SETDB2: variants seen among roughly 807,000 people sequenced by gnomAD.
The protein encoded by SETDB2 is histone-lysine N-methyltransferase SETDB2.
SETDB2 carries 56 observed loss-of-function variants against 82.5 expected under a neutral mutation model. The observed-to-expected ratio is 0.68, with a 90% CI of 0.55 to 0.85. The LOEUF is 0.85. Ranked by LOEUF, SETDB2 falls within the 40% of genes least tolerant of loss-of-function variation. The probability of loss-of-function intolerance (pLI) is 0.00; values close to 1 mark genes in which losing one functional copy is unlikely to be tolerated. For synonymous variants in SETDB2, 272 were observed against 284.9 expected (o/e 0.95, Z 0.46); for missense variants, 677 against 816.4 (o/e 0.83, Z 2.08).
intron 1 of SETDB2, among the ~76,000 whole-genome samples, chr13:49,446,159 AAATG>A (rs1395344908): frequency 1.3e-5 from 2 of 152,158 alleles, no homozygotes; most frequent in African/African-American, 4.8e-5. Flanking sequence ...AAAAGCTTTA[AAATG>A]AATTCCTTTT....
In SETDB2 at chr13:49,491,798, G is replaced by A. The variant is rs535422169; in HGVS notation, c.2073G>A (p.Lys691=). The A allele has an allele frequency of 8.7e-6, 14 of 1,613,222 alleles. No individual in the cohort carries two copies. In the African/African-American group the frequency reaches 1.2e-4, roughly 14 times the overall value. ...YGYEAGTVPE[K]EIFCQCGVNK... Reference sequence around the variant, plus strand: ...ATGAAGCTGGGACTGTGCCTGAGAAGGAAATCTTCTGCCAATGTGGGGTTA... The same window carrying A: ...ATGAAGCTGGGACTGTGCCTGAGAAAGAAATCTTCTGCCAATGTGGGGTTA... Residue 691 remains lysine, a synonymous_variant, in exon 14 of 14, where the codon AAG becomes AAA. Transcript: ENST00000611815.
chr13:49,459,291 G>A (rs1957947701), intron 2 of SETDB2, among the ~76,000 whole-genome samples: 1 of 152,096 alleles, frequency 6.6e-6, no homozygotes, highest in Non-Finnish European at 1.5e-5. Flanking sequence ...TTGTGTTAGG[G>A]AAAATGTATT....
Position 49,476,811 on chromosome 13 carries a change from C to T in SETDB2, c.641C>T (p.Thr214Ile). The T allele has an allele frequency of 1.2e-6, 2 of 1,613,912 alleles. No individual in the cohort carries two copies. The highest frequency in any genetic ancestry group is 1.7e-6 in the Non-Finnish European group (2 of 1,179,908). Residue 214 changes from threonine (T) to isoleucine (I), a missense_variant, in exon 6 of 14, where the codon ACC (threonine) becomes ATC (isoleucine). Thr to Ile is a moderately conservative substitution (Grantham distance 89, BLOSUM62 -1). This residue lies in a region of SETDB2 where 243 missense variants were observed against 237.2 expected (regional missense o/e 1.02). Coordinates refer to ENST00000611815, the MANE Select transcript of SETDB2 (RefSeq NM_001160308.3). ...FLFTDNFSFN[T>I]YVQLARNYPK... is the part of the protein sequence containing the mutation. ...TTTACAGATAACTTTTCTTTCAATA[C>T]CTATGTTCAGTTGGCTCGGAATTAC...
intron 5 of SETDB2, among the ~76,000 whole-genome samples, chr13:49,470,105 T>C (rs1473503088): frequency 6.6e-6 from 1 of 152,230 alleles, no homozygotes; most frequent in African/African-American, 2.4e-5. Flanking sequence ...TTTGTATGTA[T>C]ACTTTTAAAA....
chr13:49,472,052 T>G (rs1958260850), intron 5 of SETDB2, among the ~76,000 whole-genome samples: 1 of 151,332 alleles, frequency 6.6e-6, no homozygotes, highest in Non-Finnish European at 1.5e-5. Flanking sequence ...ATTACAGGCA[T>G]GAGCCACCGC....
chr13:49,449,871 T>C (rs1347832531), intron 1 of SETDB2, among the ~76,000 whole-genome samples: 1 of 152,228 alleles, frequency 6.6e-6, no homozygotes, highest in African/African-American at 2.4e-5. Context: ...TGCTTTCTTA[T>C]AGGTTCATTT....
At chr13:49,485,421 T>C (rs767320929) in intron 10 of SETDB2, among the ~76,000 whole-genome samples, 4 of 152,222 alleles carry the variant, frequency 2.6e-5, no homozygotes, top group Non-Finnish European at 4.4e-5. Context: ...TGTGGCTTAA[T>C]AAAGCACCTA....
Position 49,477,100 on chromosome 13 carries a change from A to G in SETDB2, c.869+61A>G, listed in dbSNP as rs980149321. The stretch of plus-strand genomic sequence containing the variant: ...CTGAATGTAAGGACGCTTGTTAAGA[A>G]GTCTTGCTATGTATTAATTTGTCTA... On this transcript the variant is annotated intron_variant, in intron 6 of 13. Coordinates refer to ENST00000611815, the MANE Select transcript of SETDB2 (RefSeq NM_001160308.3). 5 of 1,406,854 alleles carry G rather than the reference A, an allele frequency of 3.6e-6. No homozygotes were observed. In the African/African-American group the frequency reaches 7.2e-5, roughly 20 times the overall value. 87.1% of individuals were successfully genotyped at this position (1,406,854 alleles called of 1,614,324 possible).
chr13:49,491,393 G>A (rs947152387), intron 13 of SETDB2, among the ~76,000 whole-genome samples: 2 of 152,124 alleles, frequency 1.3e-5, no homozygotes, highest in African/African-American at 2.4e-5. Context: ...AGTTCCACTC[G>A]GGATAAATGA....
At chr13:49,445,879 C>G (rs1450848372) in intron 1 of SETDB2, 1 of 145,984 alleles carries the variant, frequency 6.9e-6, no homozygotes, top group African/African-American at 2.6e-5. Flanking sequence ...TGCAGTGAGC[C>G]GAGATCACGC....
At position 49,476,645 on chromosome 13, in the gene SETDB2, T is replaced by A. The variant is rs1958369819; in HGVS notation, c.475T>A (p.Cys159Ser). ...GENPLQLPIKCHFQRRHAKTN... is the reference protein window; with the variant it reads ...GENPLQLPIKSHFQRRHAKTN... ...AAACCCTCTGCAGCTGCCAATCAAA[T>A]GTCACTTCCAAAGACGACATGCAAA... Residue 159 changes from cysteine (C) to serine (S), a missense_variant, in exon 6 of 14, where the codon TGT becomes AGT. This residue lies in a region of SETDB2 where 243 missense variants were observed against 237.2 expected (regional missense o/e 1.02). Transcript: ENST00000611815. 3 of 1,614,166 alleles carry A rather than the reference T, an allele frequency of 1.9e-6. No homozygotes were observed. The East Asian group carries it at 6.7e-5, about 36-fold the overall frequency.
In SETDB2 at chr13:49,460,192, A is replaced by G. The variant is rs755113120; in HGVS notation, c.102A>G (p.Ser34=). Residue 34 remains serine, a synonymous_variant, in exon 3 of 14, where the codon TCA becomes TCG. Transcript: ENST00000611815. ...AACAAGTACAAAATGTGCTGCAGTC[A>G]CTGAAACAAAAGATCAAAGATGGGT... The part of the protein sequence containing the change: ...IFEQVQNVLQ[S]LKQKIKDGSA... The G allele has an allele frequency of 4.3e-6, 7 of 1,613,270 alleles. No individual in the cohort carries two copies. Among genetic ancestry groups the G allele is most frequent in the Admixed American group, 3.3e-5 (2 of 59,966 alleles).
intron 5 of SETDB2, among the ~76,000 whole-genome samples, chr13:49,469,336 C>T (rs1958181492): frequency 6.6e-6 from 1 of 152,228 alleles, no homozygotes; most frequent in African/African-American, 2.4e-5. Flanking sequence ...GTCCCGCCTA[C>T]ACTTCTCACT....
At chr13:49,466,159 C>T (rs761248503) in intron 4 of SETDB2, among the ~76,000 whole-genome samples, 18 of 151,954 alleles carry the variant, frequency 1.2e-4, no homozygotes, top group Non-Finnish European at 2.4e-4. Context: ...CTTGACTGGG[C>T]GTGGTGTCTC....
intron 2 of SETDB2, among the ~76,000 whole-genome samples, chr13:49,458,824 G>A (rs966210679): frequency 1.3e-5 from 2 of 152,202 alleles, no homozygotes; most frequent in Non-Finnish European, 2.9e-5. Context: ...AAAAAGTGGA[G>A]ATCATTCATG....
intron 6 of SETDB2, among the ~76,000 whole-genome samples, chr13:49,478,057 C>CA (rs1363457718): frequency 3.3e-5 from 5 of 151,498 alleles, no homozygotes; most frequent in Non-Finnish European, 4.4e-5. Context: ...CCATACTTGG[C>CA]AAAAAAAGAA....
intron 1 of SETDB2, chr13:49,446,558 T>C (rs769780935): frequency 1.0e-4 from 34 of 332,010 alleles, no homozygotes; most frequent in Non-Finnish European, 1.6e-4. Context: ...CTATACTACA[T>C]CATTCTGTAG....
At chr13:49,481,194 G>C (rs1566172165) in intron 8 of SETDB2, 78 bp downstream of exon 8, 1 of 1,363,582 alleles carries the variant, frequency 7.3e-7, no homozygotes, top group Non-Finnish European at 1.0e-6. Flanking sequence ...AGCCAGGGCT[G>C]TTGAGAGCTT....
chr13:49,450,943 A>G (rs1445975633), intron 1 of SETDB2, among the ~76,000 whole-genome samples: 4 of 118,420 alleles, frequency 3.4e-5, no homozygotes, highest in Admixed American at 2.9e-4. Flanking sequence ...AGAGGTTTAT[A>G]TTATTAATTA....
Sources: allele counts gnomAD v4.1 joint callset (sites outside exome capture counted in the v4.1 genomes callset), GRCh38; gene constraint gnomAD v4.1.1; regional missense constraint gnomAD v4.1.1; transcripts MANE v1.5; gene names NCBI Gene and HGNC (gene_info 2026-07-23, HGNC 2026-07-21).